Variants in ZBTB20 observed in about 807,000 individuals in gnomAD.
ZBTB20 encodes zinc finger and BTB domain containing 20, also known as zinc finger and BTB domain-containing protein 20.
A neutral mutation model predicts 56.9 loss-of-function variants in ZBTB20; 9 were observed. That is an observed-to-expected ratio of 0.16 (90% confidence interval 0.10 to 0.28). The LOEUF (loss-of-function observed/expected upper bound fraction) is 0.28. Among genes scored for constraint, ZBTB20 ranks in the 10% least tolerant of loss-of-function variants. The probability of loss-of-function intolerance (pLI) is 1.00; values close to 1 mark genes in which losing one functional copy is unlikely to be tolerated. For missense variants in ZBTB20, 655 were observed against 1,003.0 expected, an observed-to-expected ratio of 0.65 and a Z score of 4.69; for synonymous variants, 417 against 420.7, an observed-to-expected ratio of 0.99 and a Z score of 0.11.
chr3:115,065,937 A>G (rs1349303114), intron 2 of ZBTB20, among the ~76,000 whole-genome samples: 1 of 152,128 alleles, frequency 6.6e-6, no homozygotes, highest in Admixed American at 6.6e-5. Flanking sequence ...TAGCTTTTGG[A>G]TATAAAATGG....
At chr3:114,505,123 A>G (rs1000617396) in intron 6 of ZBTB20, among the ~76,000 whole-genome samples, 4 of 152,154 alleles carry the variant, frequency 2.6e-5, no homozygotes, top group Non-Finnish European at 1.5e-5. Context: ...ATGGTGAGGA[A>G]GCTGAACCAC....
chr3:115,101,896 A>G (rs1036585808), intron 1 of ZBTB20, among the ~76,000 whole-genome samples: 4 of 152,228 alleles, frequency 2.6e-5, no homozygotes, highest in Admixed American at 2.6e-4. Context: ...TTTAAAAAAA[A>G]TCAGTTTTCA....
At chr3:114,670,631 G>T (rs1159656792) in intron 6 of ZBTB20, among the ~76,000 whole-genome samples, 1 of 152,042 alleles carries the variant, frequency 6.6e-6, no homozygotes, top group Non-Finnish European at 1.5e-5. Flanking sequence ...AAAATAAAAG[G>T]TAGAAAGCAG....
At chr3:114,522,313 G>C (rs1487176358) in intron 6 of ZBTB20, among the ~76,000 whole-genome samples, 1 of 134,592 alleles carries the variant, frequency 7.4e-6, no homozygotes, top group East Asian at 2.0e-4. Flanking sequence ...TGCATGGTAG[G>C]CTGGAGGTTA....
chr3:114,391,721 A>C (rs2085890653), intron 7 of ZBTB20, among the ~76,000 whole-genome samples: 2 of 152,220 alleles, frequency 1.3e-5, no homozygotes, highest in African/African-American at 4.8e-5. Context: ...GAGTCATAGA[A>C]ACGGGGACTA....
At chr3:114,469,010 CAA>C (rs1164804884) in intron 7 of ZBTB20, among the ~76,000 whole-genome samples, 15,512 of 66,798 alleles carry the variant, frequency 0.23, 841 homozygotes, top group East Asian at 0.35. Flanking sequence ...TCAAGAGAAG[CAA>C]AAAAAAAAAA....
At chr3:114,655,069 C>T (rs556388964) in intron 6 of ZBTB20, among the ~76,000 whole-genome samples, 10 of 152,054 alleles carry the variant, frequency 6.6e-5, no homozygotes, top group South Asian at 2.1e-4. Flanking sequence ...CATATGTTGA[C>T]TCTTGCCTTT....
At chr3:114,341,462 A>G (rs1247860359) in intron 11 of ZBTB20, among the ~76,000 whole-genome samples, 2 of 152,230 alleles carry the variant, frequency 1.3e-5, no homozygotes, top group Non-Finnish European at 2.9e-5. Flanking sequence ...TTTTATGGGA[A>G]GCGTGCCTTA....
intron 4 of ZBTB20, among the ~76,000 whole-genome samples, chr3:114,846,189 A>G (rs2074696004): frequency 6.6e-6 from 1 of 152,200 alleles, no homozygotes; most frequent in South Asian, 2.1e-4. Flanking sequence ...TGTGTATGAA[A>G]TCAAAATGCA....
intron 5 of ZBTB20, among the ~76,000 whole-genome samples, chr3:114,711,713 T>C (rs1336758120): frequency 6.6e-6 from 1 of 152,214 alleles, no homozygotes; most frequent in East Asian, 1.9e-4. Flanking sequence ...GAGTGAGCTA[T>C]ACTTTTATAC....
At chr3:115,129,653 AG>A (rs2084443472) in intron 1 of ZBTB20, among the ~76,000 whole-genome samples, 1 of 152,228 alleles carries the variant, frequency 6.6e-6, no homozygotes, top group African/African-American at 2.4e-5. Flanking sequence ...AGCTGTATTT[AG>A]CTGTCTGTGG....
At position 114,325,153 on chromosome 3, in the gene ZBTB20, C is replaced by T. The variant is rs897190092; in HGVS notation, c.*13852G>A. The T allele has an allele frequency of 6.6e-6, 1 of 152,056 alleles. No homozygotes were observed. Among genetic ancestry groups the T allele is most frequent in the Non-Finnish European group, 1.5e-5 (1 of 68,012 alleles). 9.4% of individuals were successfully genotyped at this position (152,056 alleles called of 1,614,324 possible). ...AGGAACAATTTTAATTAGATATATG[C>T]AAATTACCCTTAATTTATATCTCAA... On this transcript the variant is annotated 3_prime_UTR_variant, in exon 12 of 12. Coordinates refer to ENST00000675478, the MANE Select transcript of ZBTB20 (RefSeq NM_001348800.3).
rs141930065 is a variant in ZBTB20 at position 114,504,496 on chromosome 3, G to A, written c.-294-4105C>T. On this transcript the variant is annotated intron_variant, in intron 6 of 11. Transcript: ENST00000675478. ...GTAATTTAAAGTCTTATTTGCACAC[G>A]TGTTCATTTATCCAATAACTACTTC... is the stretch of plus-strand genomic sequence containing the variant. Among the ~76,000 whole-genome samples the A allele has an allele frequency of 8.6e-4, 131 of 152,298 alleles. 1 individual carries two copies. Among genetic ancestry groups the A allele is most frequent in the Non-Finnish European group, 4.1e-4 (28 of 68,022 alleles).
intron 1 of ZBTB20, among the ~76,000 whole-genome samples, chr3:115,123,927 C>G (rs2084252045): frequency 6.6e-6 from 1 of 152,180 alleles, no homozygotes. Flanking sequence ...TTCCTTAGCA[C>G]TACCCGAATA....
rs373345121 is a variant in ZBTB20, at chr3:114,830,811, C to T, written c.-416-29637G>A. Among the ~76,000 whole-genome samples the T allele has an allele frequency of 3.3e-5, 5 of 152,044 alleles. No homozygotes were observed. The East Asian group carries it at 9.7e-4, about 29-fold the overall frequency. On this transcript the variant is annotated intron_variant, in intron 4 of 11. Transcript: ENST00000675478. Reference sequence around the variant, plus strand: ...AGATGAAATTTAATGACGTCTCTTACCTCTGACCTAACTGAGCATAATTGC... The same window carrying T: ...AGATGAAATTTAATGACGTCTCTTATCTCTGACCTAACTGAGCATAATTGC...
chr3:115,113,511 G>A (rs2083936731), intron 1 of ZBTB20, among the ~76,000 whole-genome samples: 1 of 152,234 alleles, frequency 6.6e-6, no homozygotes, highest in Admixed American at 6.5e-5. Context: ...AACAGGGTCT[G>A]CAGCACAGAA....
chr3:114,826,841 C>A (rs1296545704), intron 4 of ZBTB20, among the ~76,000 whole-genome samples: 1 of 151,380 alleles, frequency 6.6e-6, no homozygotes, highest in Non-Finnish European at 1.5e-5. Context: ...GTTATTAGAA[C>A]CATAAAAAAC....
chr3:115,050,784 T>C (rs1274190419), intron 2 of ZBTB20, among the ~76,000 whole-genome samples: 2 of 152,000 alleles, frequency 1.3e-5, no homozygotes, highest in Non-Finnish European at 2.9e-5. Flanking sequence ...TGTCCTCTGA[T>C]ATGGACATAT....
intron 2 of ZBTB20, among the ~76,000 whole-genome samples, chr3:114,976,762 TA>T (rs1276617797): frequency 6.6e-6 from 1 of 152,194 alleles, no homozygotes; most frequent in Non-Finnish European, 1.5e-5. Context: ...AATATTTTTA[TA>T]AATTATGTTT....
Sources: allele counts gnomAD v4.1 joint callset (sites outside exome capture counted in the v4.1 genomes callset), GRCh38; gene constraint gnomAD v4.1.1; transcripts MANE v1.5; gene names NCBI Gene and HGNC (gene_info 2026-07-23, HGNC 2026-07-21).